Variants in PEBP4 observed in about 807,000 individuals in gnomAD.
PEBP4 encodes phosphatidylethanolamine binding protein 4, also known as phosphatidylethanolamine-binding protein 4.
PEBP4 carries 22 observed loss-of-function variants against 23.9 expected under a neutral mutation model. That is an observed-to-expected ratio of 0.92 (90% CI 0.66 to 1.31). PEBP4 has a LOEUF of 1.31. Among genes scored for constraint, PEBP4 ranks in the 40% most tolerant of loss-of-function variants. The pLI is 0.00. For synonymous variants in PEBP4, 112 were observed against 99.3 expected (o/e 1.13, Z -0.76); for missense variants, 324 against 281.7 (o/e 1.15, Z -1.07).
chr8:22,727,338 G>C (rs1804639410), intron 4 of PEBP4, 118 bp from the exon 5 acceptor site: 1 of 1,000,292 alleles, frequency 1.0e-6, no homozygotes, highest in Non-Finnish European at 1.5e-6. Flanking sequence ...AGGAGGATGG[G>C]AGAAGAAGTA....
At chr8:22,898,425 A>G (rs1232599910) in intron 3 of PEBP4, among the ~76,000 whole-genome samples, 2 of 112,810 alleles carry the variant, frequency 1.8e-5, no homozygotes, top group African/African-American at 2.9e-5. Context: ...AAAAAAAAAA[A>G]AAAAAACCCA....
intron 3 of PEBP4, among the ~76,000 whole-genome samples, chr8:22,890,642 A>G (rs1382272237): frequency 1.3e-5 from 2 of 152,192 alleles, no homozygotes; most frequent in Non-Finnish European, 2.9e-5. Flanking sequence ...AGAGGTCACT[A>G]TGTTCAGAGG....
intron 4 of PEBP4, among the ~76,000 whole-genome samples, chr8:22,731,714 A>G (rs1262070593): frequency 6.6e-6 from 1 of 151,846 alleles, no homozygotes; most frequent in African/African-American, 2.4e-5. Context: ...GCTGGAGTGC[A>G]GTGGCACGAT....
At chr8:22,749,860 G>A (rs1397658359) in intron 4 of PEBP4, among the ~76,000 whole-genome samples, 1 of 128,608 alleles carries the variant, frequency 7.8e-6, no homozygotes, top group Non-Finnish European at 1.6e-5. Flanking sequence ...AGCCTGGAAT[G>A]CAATGGCACG....
At chr8:22,878,225 A>AGAGGGAGGGAGGGAGG (rs1157364561) in intron 3 of PEBP4, 1 of 125,998 alleles carries the variant, frequency 7.9e-6, no homozygotes, top group African/African-American at 2.9e-5. Context: ...AGGGAGGGGG[A>AGAGGGAGGGAGGGAGG]GAGGGAGGGA....
intron 6 of PEBP4, among the ~76,000 whole-genome samples, chr8:22,713,839 T>TTCTCGC (rs912296824): frequency 6.7e-6 from 1 of 148,656 alleles, no homozygotes; most frequent in Non-Finnish European, 1.5e-5. Context: ...CAAAACTGCC[T>TTCTCGC]TCTCGCTCCC....
chr8:22,860,469 G>A (rs1431484146), intron 3 of PEBP4, among the ~76,000 whole-genome samples: 4 of 152,004 alleles, frequency 2.6e-5, no homozygotes, highest in Admixed American at 6.6e-5. Flanking sequence ...TGCCTAAGTG[G>A]AATGGTACAG....
At chr8:22,861,022 A>T (rs1807769776) in intron 3 of PEBP4, among the ~76,000 whole-genome samples, 1 of 152,232 alleles carries the variant, frequency 6.6e-6, no homozygotes, top group Non-Finnish European at 1.5e-5. Flanking sequence ...AATGCTCAAT[A>T]AATATTTGTT....
At chr8:22,818,844 G>T (rs549559044) in intron 3 of PEBP4, among the ~76,000 whole-genome samples, 31 of 152,244 alleles carry the variant, frequency 2.0e-4, no homozygotes, top group African/African-American at 7.5e-4. Context: ...AATCGGCAGG[G>T]TTTGCTGATA....
intron 5 of PEBP4, among the ~76,000 whole-genome samples, chr8:22,726,441 A>T (rs2128748808): frequency 6.6e-6 from 1 of 152,340 alleles, no homozygotes. Flanking sequence ...GCAATGGAGA[A>T]TTTATCCTCT....
chr8:22,871,172 C>A (rs1011763468), intron 3 of PEBP4, among the ~76,000 whole-genome samples: 2 of 152,088 alleles, frequency 1.3e-5, no homozygotes, highest in East Asian at 1.9e-4. Flanking sequence ...GGATAGGTGA[C>A]CCCGGAAAGC....
upstream of PEBP4, among the ~76,000 whole-genome samples, chr8:22,930,295 G>A (rs1265657828): frequency 1.3e-4 from 20 of 152,152 alleles, no homozygotes. Flanking sequence ...CGTTTCCTAA[G>A]AGAAACTTGC....
At chr8:22,779,552 G>A (rs898165087) in intron 4 of PEBP4, among the ~76,000 whole-genome samples, 6 of 152,148 alleles carry the variant, frequency 3.9e-5, no homozygotes, top group African/African-American at 1.4e-4. Context: ...AAAAGCCCAG[G>A]GAGAGAGCTG....
intron 4 of PEBP4, among the ~76,000 whole-genome samples, chr8:22,732,913 C>T (rs1245614277): frequency 6.6e-6 from 1 of 152,188 alleles, no homozygotes; most frequent in East Asian, 1.9e-4. Context: ...GCGAGATACT[C>T]AGGGAAAGTT....
intron 6 of PEBP4, among the ~76,000 whole-genome samples, chr8:22,723,139 A>G (rs1804553367): frequency 6.6e-6 from 1 of 151,954 alleles, no homozygotes; most frequent in Admixed American, 6.6e-5. Flanking sequence ...TTCCCCATGG[A>G]CAAAAGGTGG....
chr8:22,873,238 A>G (rs1223428935), intron 3 of PEBP4, among the ~76,000 whole-genome samples: 3 of 152,120 alleles, frequency 2.0e-5, no homozygotes, highest in African/African-American at 4.8e-5. Flanking sequence ...CTTTCTCTTC[A>G]TTGTCAGCCA....
intron 4 of PEBP4, among the ~76,000 whole-genome samples, chr8:22,796,532 G>C (rs1412970072): frequency 6.6e-6 from 1 of 152,150 alleles, no homozygotes; most frequent in African/African-American, 2.4e-5. Context: ...CTGGCTCTCA[G>C]GGAAAGATAT....
intron 4 of PEBP4, chr8:22,758,171 A>G (rs1805431125): frequency 1.3e-5 from 2 of 152,200 alleles, no homozygotes; most frequent in Non-Finnish European, 2.9e-5. Flanking sequence ...TTTCATCTCT[A>G]CTAAACGCTA....
rs139843876 is a variant in PEBP4, at chr8:22,734,767, A to G, written c.358-7547T>C. Among the ~76,000 whole-genome samples, 486 of 152,240 alleles carry G rather than the reference A, an allele frequency of 3.2e-3. 4 individuals are homozygous for G. The highest frequency in any genetic ancestry group is 0.02 in the South Asian group (97 of 4,818). On this transcript the variant is annotated intron_variant, in intron 4 of 6. Coordinates refer to ENST00000256404, the MANE Select transcript of PEBP4 (RefSeq NM_144962.3). The stretch of plus-strand genomic sequence containing the variant: ...GCTTTTCAGTTCTCCAGTGGATAAG[A>G]CAAGGGAGGGGAAGGGCAGCTTAAG...
Sources: gnomAD v4.1 joint callset for allele counts (sites outside exome capture counted in the v4.1 genomes callset) on GRCh38, gnomAD v4.1.1 for gene constraint, MANE v1.5 for transcripts, NCBI Gene and HGNC (gene_info 2026-07-23, HGNC 2026-07-21) for gene names.